PKP4: variants seen among roughly 807,000 people sequenced by gnomAD.
The protein encoded by PKP4 is plakophilin-4.
PKP4 carries 90 observed loss-of-function variants against 145.1 expected under a neutral mutation model. That is an observed-to-expected ratio of 0.62 (90% CI 0.52 to 0.74). The LOEUF (loss-of-function observed/expected upper bound fraction) is 0.74. PKP4 is among the 30% of genes least tolerant of loss of function. The pLI is 0.00. For missense variants in PKP4, 1,340 were observed against 1,482.7 expected (o/e 0.90, Z 1.58); for synonymous variants, 563 against 577.2 (o/e 0.98, Z 0.35).
At chr2:158,458,560 CA>C (rs1341619428) in intron 1 of PKP4, among the ~76,000 whole-genome samples, 1 of 152,194 alleles carries the variant, frequency 6.6e-6, no homozygotes, top group Non-Finnish European at 1.5e-5. Flanking sequence ...CCAGCAGAAA[CA>C]GGGGGCCTGA....
intron 16 of PKP4, among the ~76,000 whole-genome samples, chr2:158,668,192 G>T (rs1450191576): frequency 1.3e-5 from 2 of 148,306 alleles, no homozygotes; most frequent in Non-Finnish European, 1.5e-5. Context: ...TTTTAACCTG[G>T]CTGGAGCACT....
In PKP4 at chr2:158,673,952, C is replaced by A. The variant is rs182519463; in HGVS notation, c.3079C>A (p.Pro1027Thr). 2.5e-6 allele frequency: 4 copies of A among 1,612,878 alleles called. No individual in the cohort carries two copies. In the East Asian group the frequency reaches 8.9e-5, roughly 36 times the overall value. The change falls in exon 19 of 22, where the codon CCT (proline) becomes ACT (threonine). Residue 1027 changes from proline (P) to threonine (T), a missense_variant. Physicochemically the swap from Pro to Thr is conservative, Grantham distance 38. Transcript: ENST00000389759. Reference sequence around the variant, plus strand: ...GGAGCGAGACCGATTCAAATCACATCCTTCCTTGTCTACCACCAACCAACA... The same window carrying A: ...GGAGCGAGACCGATTCAAATCACATACTTCCTTGTCTACCACCAACCAACA... Reference protein sequence around the residue: ...TLERDRFKSHPSLSTTNQQMS... With the variant: ...TLERDRFKSHTSLSTTNQQMS...
chr2:158,540,740 A>G (rs1479464437), intron 2 of PKP4, among the ~76,000 whole-genome samples: 1 of 152,162 alleles, frequency 6.6e-6, no homozygotes, highest in African/African-American at 2.4e-5. Flanking sequence ...TTTAATTTTT[A>G]CCACTGAATT....
intron 2 of PKP4, among the ~76,000 whole-genome samples, chr2:158,550,121 A>G (rs1194296869): frequency 9.4e-6 from 1 of 106,558 alleles, no homozygotes; most frequent in Non-Finnish European, 2.6e-5. Context: ...TCAGAATAAA[A>G]CATTACTTTT....
At chr2:158,649,748 C>T (rs2055176878) in intron 11 of PKP4, among the ~76,000 whole-genome samples, 5 of 152,196 alleles carry the variant, frequency 3.3e-5, no homozygotes, top group Admixed American at 3.3e-4. Context: ...TGGAACTTCT[C>T]AGCAAAAGAG....
At chr2:158,678,973 C>T (rs1345567670) in intron 21 of PKP4, 4 of 365,220 alleles carry the variant, frequency 1.1e-5, no homozygotes, top group African/African-American at 6.1e-5. Context: ...AAATCTCTTC[C>T]AGCCTCTGAG....
At chr2:158,680,133 G>A (rs1318336214) in intron 21 of PKP4, among the ~76,000 whole-genome samples, 2 of 152,204 alleles carry the variant, frequency 1.3e-5, no homozygotes, top group African/African-American at 4.8e-5. Flanking sequence ...AGGGCCTCCA[G>A]TAAAGAGGGG....
At chr2:158,572,739 CA>C (rs2047517009) in intron 2 of PKP4, among the ~76,000 whole-genome samples, 1 of 152,068 alleles carries the variant, frequency 6.6e-6, no homozygotes, top group South Asian at 2.1e-4. Context: ...GGTCAATAAA[CA>C]TAGGAAAAAG....
intron 1 of PKP4, among the ~76,000 whole-genome samples, chr2:158,471,892 C>T (rs951110907): frequency 1.2e-4 from 18 of 152,192 alleles, no homozygotes; most frequent in African/African-American, 4.3e-4. Flanking sequence ...TCATTCTACT[C>T]ATAGCCAAAA....
At chr2:158,675,024 T>G (rs1001674667) in intron 19 of PKP4, among the ~76,000 whole-genome samples, 17 of 152,340 alleles carry the variant, frequency 1.1e-4, no homozygotes, top group African/African-American at 4.1e-4. Context: ...GTTGCTTTCT[T>G]GAAAGAAACC....
At chr2:158,539,871 C>G (rs1371067350) in intron 2 of PKP4, among the ~76,000 whole-genome samples, 1 of 152,190 alleles carries the variant, frequency 6.6e-6, no homozygotes, top group Non-Finnish European at 1.5e-5. Flanking sequence ...TCTTAAGTTG[C>G]ATGTACCATG....
rs181583044 is a variant in PKP4 at position 158,677,168 on chromosome 2, C to T, written c.3256+301C>T. The T allele has an allele frequency of 1.4e-4, 55 of 385,836 alleles. No individual in the cohort carries two copies. The East Asian group carries it at 1.8e-3, about 13-fold the overall frequency. 23.9% of individuals were successfully genotyped at this position (385,836 alleles called of 1,614,324 possible). On this transcript the variant is annotated intron_variant, in intron 20 of 21. Transcript: ENST00000389759. ...GCTCACTGGCACAGTCCCTTTGCTCCGTCCCCTCCTGGCTCGAGCAGTCTC... is the reference window on the plus strand; with the variant it reads ...GCTCACTGGCACAGTCCCTTTGCTCTGTCCCCTCCTGGCTCGAGCAGTCTC...
intron 1 of PKP4, among the ~76,000 whole-genome samples, chr2:158,470,876 G>A (rs73003008): frequency 0.16 from 23,667 of 152,090 alleles, 1,998 homozygotes; most frequent in Middle Eastern, 0.28. Context: ...CACTGAGTGC[G>A]GGGCTGGGGA....
intron 3 of PKP4, among the ~76,000 whole-genome samples, chr2:158,597,895 T>C (rs950365425): frequency 1.3e-5 from 2 of 152,182 alleles, no homozygotes; most frequent in Non-Finnish European, 2.9e-5. Flanking sequence ...CAGCCTTGCT[T>C]GCCTTGAGCC....
chr2:158,583,614 T>C (rs2048527040), intron 3 of PKP4, among the ~76,000 whole-genome samples: 1 of 152,184 alleles, frequency 6.6e-6, no homozygotes, highest in African/African-American at 2.4e-5. Flanking sequence ...TATACAGTTG[T>C]GTGACGACCA....
chr2:158,636,894 A>G (rs997934997), intron 9 of PKP4, among the ~76,000 whole-genome samples: 3 of 152,120 alleles, frequency 2.0e-5, no homozygotes, highest in African/African-American at 7.2e-5. Flanking sequence ...CCTTATATAC[A>G]TCTTTTTCTT....
intron 2 of PKP4, among the ~76,000 whole-genome samples, chr2:158,535,019 T>C (rs1272250861): frequency 1.3e-5 from 2 of 152,224 alleles, no homozygotes; most frequent in Non-Finnish European, 2.9e-5. Context: ...AATATATATT[T>C]GCCGTTTCAT....
At chr2:158,574,803 T>C (rs1275222878) in intron 2 of PKP4, among the ~76,000 whole-genome samples, 1 of 152,204 alleles carries the variant, frequency 6.6e-6, no homozygotes, top group Non-Finnish European at 1.5e-5. Flanking sequence ...ATGTTCAGTA[T>C]TATGGGCTCT....
intron 9 of PKP4, among the ~76,000 whole-genome samples, chr2:158,635,761 T>C (rs2053758495): frequency 1.3e-5 from 2 of 152,188 alleles, no homozygotes; most frequent in Non-Finnish European, 2.9e-5. Flanking sequence ...TGTGAAACTT[T>C]ACTGATAATG....
Sources: gnomAD v4.1 joint callset for allele counts (sites outside exome capture counted in the v4.1 genomes callset) on GRCh38, gnomAD v4.1.1 for gene constraint, MANE v1.5 for transcripts, NCBI Gene and HGNC (gene_info 2026-07-23, HGNC 2026-07-21) for gene names.